DLG2: variants seen among roughly 807,000 people sequenced by gnomAD.
DLG2 encodes the protein discs large MAGUK scaffold protein 2, also known as disks large homolog 2.
Under a neutral mutation model 132.5 loss-of-function variants are expected in DLG2, and 45 were observed. That is an observed-to-expected ratio of 0.34 (90% CI 0.27 to 0.44). The LOEUF (loss-of-function observed/expected upper bound fraction) is 0.44. DLG2 is among the 20% of genes least tolerant of loss of function. The pLI is 1.00. For missense variants in DLG2, 1,045 were observed against 1,196.9 expected, an observed-to-expected ratio of 0.87 and a Z score of 1.87; for synonymous variants, 424 against 419.6, an observed-to-expected ratio of 1.01 and a Z score of -0.13.
chr11:84,212,051 T>C (rs1301211302), intron 8 of DLG2, among the ~76,000 whole-genome samples: 1 of 152,212 alleles, frequency 6.6e-6, no homozygotes, highest in African/African-American at 2.4e-5. Flanking sequence ...CACTAAGCAC[T>C]GTTTGCAGCA....
chr11:84,147,846 C>T (rs2095142526), intron 9 of DLG2, among the ~76,000 whole-genome samples: 1 of 151,816 alleles, frequency 6.6e-6, no homozygotes, highest in Non-Finnish European at 1.5e-5. Flanking sequence ...ACAATGTCAT[C>T]TTTAAAAAGG....
rs1396958127 is a variant in DLG2, at chr11:83,541,836, T to C, written c.1963A>G (p.Ser655Gly). ...YVRAMFDYDKSKDSGLPSQGL... is the reference protein window; with the variant it reads ...YVRAMFDYDKGKDSGLPSQGL... ...TGACTTGGCAGCCCACTGTCCTTGC[T>C]CTTGTCGTAGTCGAACATGGCTCTG... Residue 655 changes from serine (S) to glycine (G), a missense_variant, in exon 20 of 28, where the codon AGC (serine) becomes GGC (glycine). Transcript: ENST00000376104. The C allele has an allele frequency of 3.7e-6, 6 of 1,609,834 alleles. No homozygotes were observed. The highest frequency in any genetic ancestry group is 5.1e-6 in the Non-Finnish European group (6 of 1,177,974).
chr11:84,033,603 G>A (rs1454199422), intron 11 of DLG2, among the ~76,000 whole-genome samples: 1 of 152,218 alleles, frequency 6.6e-6, no homozygotes, highest in African/African-American at 2.4e-5. Flanking sequence ...CATTAGCAGG[G>A]TTTGAGAGGA....
rs528031563 is a variant in DLG2, at chr11:85,626,034, T to C, written c.-93+553A>G. On this transcript the variant is annotated intron_variant, in intron 2 of 27. Coordinates refer to ENST00000376104, the MANE Select transcript of DLG2 (RefSeq NM_001142699.3). ...ACTTGACAATCATGTTATTGGATAA[T>C]GCATATATCTGGAAAAGCACAATAG... Among the ~76,000 whole-genome samples the C allele has an allele frequency of 7.2e-5, 11 of 152,354 alleles. No individual in the cohort carries two copies. In the East Asian group the frequency reaches 1.7e-3, roughly 24 times the overall value.
At chr11:83,833,369 C>CA (rs1304655390) in intron 17 of DLG2, among the ~76,000 whole-genome samples, 10 of 152,110 alleles carry the variant, frequency 6.6e-5, no homozygotes, top group Non-Finnish European at 1.3e-4. Flanking sequence ...ACCCGGGAGG[C>CA]AGAGGTTGCA....
At chr11:84,891,392 T>C (rs551493808) in intron 6 of DLG2, among the ~76,000 whole-genome samples, 12 of 152,310 alleles carry the variant, frequency 7.9e-5, no homozygotes, top group Admixed American at 6.5e-4. Flanking sequence ...ATTAGCATAA[T>C]ATATATTGGG....
At chr11:83,528,855 G>A (rs1253197516) in intron 21 of DLG2, among the ~76,000 whole-genome samples, 1 of 152,064 alleles carries the variant, frequency 6.6e-6, no homozygotes, top group African/African-American at 2.4e-5. Context: ...CTGGTGTTTT[G>A]CAGCACTCGG....
At chr11:83,480,674 G>A (rs2093030375) in intron 22 of DLG2, 1 of 1,507,166 alleles carries the variant, frequency 6.6e-7, no homozygotes, top group Non-Finnish European at 9.0e-7. Context: ...AATGCATAAT[G>A]TCAATTTAGG....
At chr11:84,842,769 G>A (rs952614500) in intron 6 of DLG2, among the ~76,000 whole-genome samples, 2 of 151,704 alleles carry the variant, frequency 1.3e-5, no homozygotes, top group Non-Finnish European at 2.9e-5. Flanking sequence ...AAAGGAGAGG[G>A]TATAATGAAT....
At chr11:85,044,560 G>T (rs368180144) in intron 6 of DLG2, among the ~76,000 whole-genome samples, 3 of 152,124 alleles carry the variant, frequency 2.0e-5, no homozygotes, top group East Asian at 1.9e-4. Flanking sequence ...CCTCCAGAGT[G>T]TTATTACAAA....
At position 83,825,020 on chromosome 11, in the gene DLG2, G is replaced by T. The variant is rs1016716656; in HGVS notation, c.1722+8594C>A. Among the ~76,000 whole-genome samples the T allele has an allele frequency of 2.7e-5, 4 of 150,756 alleles. No homozygotes were observed. In the East Asian group the frequency reaches 7.8e-4, roughly 29 times the overall value. ...CTACACAGTTTGCTGAGTGCCCACA[G>T]ATTTTATTGTTTTTCTTTTTGTTGT... is the stretch of plus-strand genomic sequence containing the variant. On this transcript the variant is annotated intron_variant, in intron 17 of 27. Coordinates refer to ENST00000376104, the MANE Select transcript of DLG2 (RefSeq NM_001142699.3).
chr11:83,847,290 T>C (rs989643019), intron 16 of DLG2, among the ~76,000 whole-genome samples: 2 of 152,168 alleles, frequency 1.3e-5, no homozygotes, highest in East Asian at 1.9e-4. Flanking sequence ...AAAACTAATA[T>C]TCAAAAATAG....
chr11:84,222,767 T>C (rs1597790116), intron 8 of DLG2, among the ~76,000 whole-genome samples: 1 of 152,150 alleles, frequency 6.6e-6, no homozygotes, highest in Non-Finnish European at 1.5e-5. Context: ...AGCTTAATGA[T>C]GGATGCAGAA....
intron 3 of DLG2, among the ~76,000 whole-genome samples, chr11:85,486,014 A>T (rs2093420615): frequency 6.6e-6 from 1 of 152,172 alleles, no homozygotes; most frequent in Non-Finnish European, 1.5e-5. Flanking sequence ...AAACCAAAGA[A>T]TGAGTAGACT....
intron 9 of DLG2, among the ~76,000 whole-genome samples, chr11:84,129,491 T>C (rs1566628150): frequency 6.6e-6 from 1 of 152,104 alleles, no homozygotes; most frequent in Non-Finnish European, 1.5e-5. Flanking sequence ...ATGTTGTACA[T>C]AATTTCATTT....
intron 3 of DLG2, chr11:85,469,408 T>C (rs927395426): frequency 2.6e-5 from 4 of 152,250 alleles, no homozygotes; most frequent in African/African-American, 4.8e-5. Flanking sequence ...AGTTCACCTT[T>C]GCCCACTGAA....
intron 15 of DLG2, among the ~76,000 whole-genome samples, chr11:83,889,194 C>T (rs1243117709): frequency 1.2e-4 from 18 of 151,912 alleles, no homozygotes; most frequent in South Asian, 8.3e-4. Context: ...AGAAAATTTT[C>T]GCAACCTACT....
chr11:83,623,554 C>A (rs1477958934), intron 19 of DLG2, among the ~76,000 whole-genome samples: 2 of 152,184 alleles, frequency 1.3e-5, no homozygotes, highest in African/African-American at 4.8e-5. Context: ...GCACGTGAAG[C>A]CTGGAGGAGA....
At chr11:85,502,189 G>A (rs957697712) in intron 3 of DLG2, among the ~76,000 whole-genome samples, 7 of 151,956 alleles carry the variant, frequency 4.6e-5, no homozygotes, top group Non-Finnish European at 8.8e-5. Flanking sequence ...AACAGCTCAT[G>A]TTTTCATTCA....
Sources: allele counts gnomAD v4.1 joint callset (sites outside exome capture counted in the v4.1 genomes callset), GRCh38; gene constraint gnomAD v4.1.1; transcripts MANE v1.5; gene names NCBI Gene and HGNC (gene_info 2026-07-23, HGNC 2026-07-21).